Variants in KHDRBS2 observed in about 807,000 individuals in gnomAD.
The protein encoded by KHDRBS2 is KH RNA binding domain containing, signal transduction associated 2, also known as KH domain-containing, RNA-binding, signal transduction-associated protein 2.
KHDRBS2 carries 26 observed loss-of-function variants against 44.3 expected under a neutral mutation model. That is an observed-to-expected ratio of 0.59 (90% CI 0.43 to 0.81). KHDRBS2 has a LOEUF of 0.81. Ranked by LOEUF, KHDRBS2 falls within the 40% of genes least tolerant of loss-of-function variation. The pLI is 0.00. For synonymous variants in KHDRBS2, 194 were observed against 151.1 expected (o/e 1.28, Z -2.08); for missense variants, 476 against 433.1 (o/e 1.10, Z -0.88).
intron 6 of KHDRBS2, among the ~76,000 whole-genome samples, chr6:61,804,202 C>T (rs370471913): frequency 3.3e-5 from 5 of 152,090 alleles, no homozygotes; most frequent in Admixed American, 1.3e-4. Flanking sequence ...AAGGGACTAC[C>T]GGCCCCTTGC....
chr6:61,719,526 T>G (rs886186197), intron 7 of KHDRBS2, among the ~76,000 whole-genome samples: 1 of 152,096 alleles, frequency 6.6e-6, no homozygotes, highest in African/African-American at 2.4e-5. Context: ...TTAAAGGTGT[T>G]AATCCCAGGA....
At chr6:61,756,258 T>G (rs2127570764) in intron 6 of KHDRBS2, among the ~76,000 whole-genome samples, 1 of 151,196 alleles carries the variant, frequency 6.6e-6, no homozygotes, top group East Asian at 1.9e-4. Flanking sequence ...TTTATTTAAT[T>G]AATTTATTTT....
At chr6:61,625,103 C>T in the KHDRBS2 span, among the ~76,000 whole-genome samples, 2 of 151,866 alleles carry the variant, frequency 1.3e-5, no homozygotes, top group East Asian at 3.9e-4. Flanking sequence ...TACTTTGATG[C>T]CTTGTGGGAT....
At chr6:61,575,985 C>T in the KHDRBS2 span, among the ~76,000 whole-genome samples, 1 of 152,080 alleles carries the variant, frequency 6.6e-6, no homozygotes, top group Non-Finnish European at 1.5e-5. Flanking sequence ...GGATAAAATA[C>T]TACACATTAG....
At chr6:61,584,901 G>C in the KHDRBS2 span, among the ~76,000 whole-genome samples, 3 of 151,790 alleles carry the variant, frequency 2.0e-5, no homozygotes, top group South Asian at 6.2e-4. Flanking sequence ...CATAAAATTT[G>C]CTTTATAGAG....
At position 61,977,858 on chromosome 6, in the gene KHDRBS2, C is replaced by T. The variant is rs183810056; in HGVS notation, c.483+208G>A. On this transcript the variant is annotated intron_variant, in intron 4 of 8. Transcript: ENST00000281156. ...CATGACACCAGCATGACAAACATTG[C>T]TATGGAACCATCACTATATGGCAAC... Among the ~76,000 whole-genome samples, 273 of 152,232 alleles carry T rather than the reference C, an allele frequency of 1.8e-3. 3 individuals carry two copies. The highest frequency in any genetic ancestry group is 7.4e-4 in the Non-Finnish European group (50 of 67,978).
intron 7 of KHDRBS2, among the ~76,000 whole-genome samples, chr6:61,722,017 T>G (rs548980507): frequency 0.025 from 3,720 of 151,400 alleles, 73 homozygotes; most frequent in Middle Eastern, 0.082. Context: ...AAAGGCCTTT[T>G]CTGCATCTAT....
chr6:61,772,714 T>C (rs927935862), intron 6 of KHDRBS2, among the ~76,000 whole-genome samples: 13 of 152,130 alleles, frequency 8.5e-5, no homozygotes, highest in African/African-American at 3.1e-4. Context: ...TATGTATACA[T>C]GTGCCACGCT....
At chr6:62,249,766 C>G (rs1435994259) in intron 1 of KHDRBS2, among the ~76,000 whole-genome samples, 1 of 152,028 alleles carries the variant, frequency 6.6e-6, no homozygotes, top group Non-Finnish European at 1.5e-5. Flanking sequence ...TGGAATTATT[C>G]AGAAAAGTAG....
the KHDRBS2 span, among the ~76,000 whole-genome samples, chr6:61,582,597 G>C: frequency 6.6e-6 from 1 of 151,370 alleles, no homozygotes; most frequent in East Asian, 1.9e-4. Flanking sequence ...AAAAAAGATG[G>C]GAAAACAGCT....
chr6:61,570,957 G>T, the KHDRBS2 span, among the ~76,000 whole-genome samples: 1 of 151,486 alleles, frequency 6.6e-6, no homozygotes, highest in Admixed American at 6.6e-5. Context: ...CACCAAAATA[G>T]AATCTTCTTA....
chr6:62,153,655 A>G (rs1306762488), intron 2 of KHDRBS2, among the ~76,000 whole-genome samples: 1 of 152,152 alleles, frequency 6.6e-6, no homozygotes, highest in Admixed American at 6.5e-5. Context: ...GCTACCTACT[A>G]GGGCCATGCT....
chr6:61,647,325 GT>G, the KHDRBS2 span, among the ~76,000 whole-genome samples: 1 of 151,976 alleles, frequency 6.6e-6, no homozygotes, highest in Non-Finnish European at 1.5e-5. Flanking sequence ...AATATTACTT[GT>G]TTTATATTTC....
At chr6:62,189,899 A>G (rs1824235547) in intron 1 of KHDRBS2, among the ~76,000 whole-genome samples, 1 of 152,144 alleles carries the variant, frequency 6.6e-6, no homozygotes, top group African/African-American at 2.4e-5. Flanking sequence ...ACCTAATAAG[A>G]GATGTAGAAT....
intron 4 of KHDRBS2, among the ~76,000 whole-genome samples, chr6:61,912,225 G>C (rs1806178983): frequency 6.6e-6 from 1 of 152,008 alleles, no homozygotes; most frequent in African/African-American, 2.4e-5. Context: ...CAGTGAAAAA[G>C]TATTTGGAAA....
At chr6:62,025,769 G>A (rs866549413) in intron 3 of KHDRBS2, among the ~76,000 whole-genome samples, 8 of 151,734 alleles carry the variant, frequency 5.3e-5, no homozygotes, top group Non-Finnish European at 1.0e-4. Flanking sequence ...TCTTTTCCTC[G>A]TAGAAGACAC....
At chr6:62,161,576 G>A (rs1279475286) in intron 2 of KHDRBS2, among the ~76,000 whole-genome samples, 1 of 119,566 alleles carries the variant, frequency 8.4e-6, no homozygotes, top group Non-Finnish European at 1.7e-5. Context: ...GTATTTGCGG[G>A]GGGGGGGGGG....
chr6:61,899,877 A>G (rs1252469205), intron 5 of KHDRBS2, among the ~76,000 whole-genome samples: 1 of 151,874 alleles, frequency 6.6e-6, no homozygotes, highest in Non-Finnish European at 1.5e-5. Flanking sequence ...ATATGATTCA[A>G]CTTATGATTA....
chr6:62,040,259 G>GCA (rs1329785670), intron 3 of KHDRBS2, among the ~76,000 whole-genome samples: 2 of 151,382 alleles, frequency 1.3e-5, no homozygotes, highest in Non-Finnish European at 3.0e-5. Flanking sequence ...GCACGCACAC[G>GCA]CACACACACA....
Sources: allele counts gnomAD v4.1 joint callset (sites outside exome capture counted in the v4.1 genomes callset), GRCh38; gene constraint gnomAD v4.1.1; transcripts MANE v1.5; gene names NCBI Gene and HGNC (gene_info 2026-07-23, HGNC 2026-07-21).